Variants in ART3 observed in about 807,000 individuals in gnomAD.
ART3 encodes the protein ADP-ribosyltransferase 3 (inactive).
ART3 carries 49 observed loss-of-function variants against 48.5 expected under a neutral mutation model. That is an observed-to-expected ratio of 1.01 (90% CI 0.80 to 1.28). The LOEUF (loss-of-function observed/expected upper bound fraction) is 1.28. Ranked by LOEUF, ART3 falls within the 50% of genes most tolerant of loss-of-function variation. ART3 has a pLI of 0.00. For missense variants in ART3, 438 were observed against 454.3 expected (o/e 0.96, Z 0.33); for synonymous variants, 145 against 157.2 (o/e 0.92, Z 0.58).
chr4:76,109,513 T>C (rs1729078104), intron 11 of ART3, among the ~76,000 whole-genome samples: 2 of 152,014 alleles, frequency 1.3e-5, no homozygotes, highest in Admixed American at 1.3e-4. Flanking sequence ...AAAATAATGA[T>C]TAAAAGTATA....
chr4:76,104,219 G>C, intron 9 of ART3: 1 of 509,960 alleles, frequency 2.0e-6, no homozygotes, highest in Non-Finnish European at 2.5e-6. Context: ...TGAGGGGAAG[G>C]CTCCTGGGAT....
intron 1 of ART3, chr4:76,035,276 G>A: frequency 6.2e-7 from 1 of 1,614,014 alleles, no homozygotes; most frequent in Non-Finnish European, 8.5e-7. Context: ...CTCAATATCT[G>A]CCACTTTCAC....
chr4:76,048,315 C>T (rs981698922), intron 1 of ART3, among the ~76,000 whole-genome samples: 10 of 151,830 alleles, frequency 6.6e-5, no homozygotes, highest in African/African-American at 2.4e-4. Context: ...TTGTACTTCC[C>T]TCAGGTGGCC....
intron 3 of ART3, among the ~76,000 whole-genome samples, chr4:76,093,114 T>C (rs886702896): frequency 6.6e-6 from 1 of 152,096 alleles, no homozygotes; most frequent in Non-Finnish European, 1.5e-5. Flanking sequence ...CCTTCATCCA[T>C]CTTCAGTCAG....
intron 1 of ART3, among the ~76,000 whole-genome samples, chr4:76,051,236 A>G (rs1383705109): frequency 1.3e-5 from 2 of 152,244 alleles, no homozygotes; most frequent in Non-Finnish European, 2.9e-5. Context: ...ACAGTAGTAT[A>G]GTACCTGATG....
intron 1 of ART3, chr4:76,022,314 A>G: frequency 1.4e-6 from 2 of 1,453,848 alleles, no homozygotes; most frequent in Admixed American, 1.7e-5. Context: ...TCTGACTCCC[A>G]AGATTGCCGT....
chr4:76,036,054 G>A lies in ART3; in HGVS notation c.-10+24734G>A, dbSNP rs1734373027. On this transcript the variant is annotated intron_variant, in intron 1 of 9. Coordinates refer to the ART3 transcript ENST00000341029. ...TCAGCTTTGCTGCTCTTCTTGGAAGGAGTAGAAATGCTGAACATGAAAGGA... is the reference window on the plus strand; with the variant it reads ...TCAGCTTTGCTGCTCTTCTTGGAAGAAGTAGAAATGCTGAACATGAAAGGA... 10 of 1,437,992 alleles carry A rather than the reference G, an allele frequency of 7.0e-6. No individual in the cohort carries two copies. The South Asian group carries it at 1.1e-4, about 15-fold the overall frequency. The allele number at this position is 1,437,992 out of a possible 1,614,324, so 89.1% of individuals were successfully genotyped here.
At position 76,042,838 on chromosome 4, in the gene ART3, G is replaced by C. The variant is rs7375640; in HGVS notation, c.-10+31518G>C. 2.7e-3 allele frequency among the ~76,000 whole-genome samples: 416 copies of C among 151,524 alleles called. 3 individuals are homozygous for C. The highest frequency in any genetic ancestry group is 0.026 in the South Asian group (126 of 4,810). Reference sequence around the variant, plus strand: ...CCACAGTGTGGAAGGGGACCTGAGCGGGTTGCCACTGCTGGCTCGGGCAGC... The same window carrying C: ...CCACAGTGTGGAAGGGGACCTGAGCCGGTTGCCACTGCTGGCTCGGGCAGC... On this transcript the variant is annotated intron_variant, in intron 1 of 9. Transcript: ENST00000341029.
chr4:76,102,455 C>T (rs1264480576), intron 8 of ART3, among the ~76,000 whole-genome samples: 1 of 152,190 alleles, frequency 6.6e-6, no homozygotes, highest in East Asian at 1.9e-4. Context: ...GAAGCAATGG[C>T]CTCCTATAAT....
rs774607952 is a variant in ART3 at position 76,025,774 on chromosome 4, A to G, written c.-10+14454A>G. On this transcript the variant is annotated intron_variant, in intron 1 of 9. Transcript: ENST00000341029. Reference sequence around the variant, plus strand: ...TTGATGGGTAGTAATCCATTGCACAAACATATCAGTTTGTTTCTTGTTGAT... The same window carrying G: ...TTGATGGGTAGTAATCCATTGCACAGACATATCAGTTTGTTTCTTGTTGAT... 7.2e-4 allele frequency among the ~76,000 whole-genome samples: 110 copies of G among 152,188 alleles called. 2 individuals carry two copies. Among genetic ancestry groups the G allele is most frequent in the Non-Finnish European group, 5.1e-4 (35 of 68,024 alleles).
rs12640367 is a variant in ART3 at position 76,068,717 on chromosome 4, G to T, written c.-9-7164G>T. On this transcript the variant is annotated intron_variant, in intron 1 of 9. Coordinates refer to the ART3 transcript ENST00000341029. ...CTTAGTACTTGGGTGATGAAGTAAT[G>T]GGTACAACAAACCCCTCTGACACGA... Among the ~76,000 whole-genome samples the T allele has an allele frequency of 4.5e-4, 68 of 152,006 alleles. No individual in the cohort carries two copies. The East Asian group carries it at 0.012, about 26-fold the overall frequency.
At chr4:76,078,999 T>G (rs1019498363) in intron 2 of ART3, among the ~76,000 whole-genome samples, 1 of 151,960 alleles carries the variant, frequency 6.6e-6, no homozygotes, top group African/African-American at 2.4e-5. Context: ...GAGAATGGCG[T>G]GAACCCGGCA....
chr4:76,047,750 C>T (rs188301186), intron 1 of ART3, among the ~76,000 whole-genome samples: 25 of 151,956 alleles, frequency 1.6e-4, no homozygotes, highest in African/African-American at 5.1e-4. Context: ...ACTAAGATAC[C>T]GGGTATCTCC....
At chr4:76,014,614 A>C (rs1732095458) in intron 1 of ART3, among the ~76,000 whole-genome samples, 1 of 152,162 alleles carries the variant, frequency 6.6e-6, no homozygotes, top group Admixed American at 6.5e-5. Context: ...GAAGAGAGAG[A>C]AAGGGACAGA....
chr4:76,014,166 G>C (rs1336307258), intron 1 of ART3, among the ~76,000 whole-genome samples: 2 of 152,140 alleles, frequency 1.3e-5, no homozygotes, highest in African/African-American at 4.8e-5. Flanking sequence ...TGTATTTAGA[G>C]ATAGGGTTTT....
At chr4:76,028,120 G>A (rs1733570365) in intron 1 of ART3, among the ~76,000 whole-genome samples, 1 of 152,012 alleles carries the variant, frequency 6.6e-6, no homozygotes, top group African/African-American at 2.4e-5. Context: ...TTAAATGAGG[G>A]TTCTGCTCAG....
intron 3 of ART3, among the ~76,000 whole-genome samples, chr4:76,086,358 A>G (rs562437298): frequency 6.6e-6 from 1 of 152,326 alleles, no homozygotes; most frequent in Non-Finnish European, 1.5e-5. Flanking sequence ...CATTAGGCTA[A>G]GTGAAATAAG....
chr4:76,034,282 T>A (rs961267954), intron 1 of ART3: 2 of 396,682 alleles, frequency 5.0e-6, no homozygotes, highest in Non-Finnish European at 8.9e-6. Flanking sequence ...TTTTGACTTA[T>A]AAGGGCTTGA....
At chr4:76,067,468 A>G (rs1401303301) in intron 1 of ART3, among the ~76,000 whole-genome samples, 4 of 148,210 alleles carry the variant, frequency 2.7e-5, no homozygotes, top group African/African-American at 4.9e-5. Flanking sequence ...CCCAAAATCT[A>G]TAAAAAAACA....
Sources: gnomAD v4.1 joint callset for allele counts (sites outside exome capture counted in the v4.1 genomes callset) on GRCh38, gnomAD v4.1.1 for gene constraint, MANE v1.5 for transcripts, NCBI Gene and HGNC (gene_info 2026-07-23, HGNC 2026-07-21) for gene names.